Variants in DLG2 observed in about 807,000 individuals in gnomAD.
The protein encoded by DLG2 is discs large MAGUK scaffold protein 2, also known as disks large homolog 2.
DLG2 carries 45 observed loss-of-function variants against 132.5 expected under a neutral mutation model. The ratio of observed to expected loss-of-function variants is 0.34; its 90% CI spans 0.27 to 0.44. The LOEUF (loss-of-function observed/expected upper bound fraction) is 0.44. Ranked by LOEUF, DLG2 falls within the 20% of genes least tolerant of loss-of-function variation. The pLI is 1.00. For synonymous variants in DLG2, 424 were observed against 419.6 expected, an observed-to-expected ratio of 1.01 and a Z score of -0.13; for missense variants, 1,045 against 1,196.9, an observed-to-expected ratio of 0.87 and a Z score of 1.87.
chr11:85,287,078 G>A (rs2078604036), intron 3 of DLG2, among the ~76,000 whole-genome samples: 1 of 152,034 alleles, frequency 6.6e-6, no homozygotes, highest in African/African-American at 2.4e-5. Context: ...AAGGGTAAGA[G>A]GAAACTTCTA....
chr11:83,633,590 G>A (rs984119958), intron 18 of DLG2, among the ~76,000 whole-genome samples: 9 of 152,070 alleles, frequency 5.9e-5, no homozygotes, highest in African/African-American at 2.2e-4. Context: ...TGGGGGCTGG[G>A]AGAGGGAGGA....
chr11:83,664,110 A>T (rs2074997958), intron 18 of DLG2, among the ~76,000 whole-genome samples: 1 of 152,188 alleles, frequency 6.6e-6, no homozygotes, highest in South Asian at 2.1e-4. Context: ...GACAGAAAGC[A>T]TCTAGTTCTC....
intron 11 of DLG2, among the ~76,000 whole-genome samples, chr11:84,012,001 T>C (rs2094916190): frequency 6.6e-6 from 1 of 152,164 alleles, no homozygotes; most frequent in African/African-American, 2.4e-5. Flanking sequence ...AATAGTTTGC[T>C]AGATGAAGAT....
intron 18 of DLG2, among the ~76,000 whole-genome samples, chr11:83,781,053 AG>A (rs2094799989): frequency 6.6e-6 from 1 of 152,214 alleles, no homozygotes; most frequent in South Asian, 2.1e-4. Context: ...AATTCTAAGA[AG>A]GCTCTCATTT....
chr11:85,405,191 T>C (rs538700655), intron 3 of DLG2, among the ~76,000 whole-genome samples: 1 of 152,078 alleles, frequency 6.6e-6, no homozygotes, highest in East Asian at 1.9e-4. Flanking sequence ...CCTTGCATGC[T>C]AGATTTTAAT....
intron 6 of DLG2, among the ~76,000 whole-genome samples, chr11:84,611,747 C>T (rs2099595945): frequency 6.6e-6 from 1 of 152,116 alleles, no homozygotes; most frequent in South Asian, 2.1e-4. Context: ...GATACTTTCA[C>T]CATTAGTAGA....
intron 15 of DLG2, among the ~76,000 whole-genome samples, chr11:83,894,885 C>T (rs1210938993): frequency 6.6e-6 from 1 of 152,142 alleles, no homozygotes; most frequent in Non-Finnish European, 1.5e-5. Flanking sequence ...TGAGTGAAAA[C>T]ATACAATACT....
chr11:84,627,168 C>T (rs1440840841), intron 6 of DLG2, among the ~76,000 whole-genome samples: 1 of 152,126 alleles, frequency 6.6e-6, no homozygotes, highest in Non-Finnish European at 1.5e-5. Context: ...CCACTCCCGG[C>T]CCAATTACAC....
intron 19 of DLG2, among the ~76,000 whole-genome samples, chr11:83,568,090 G>A (rs1201466709): frequency 6.6e-6 from 1 of 152,118 alleles, no homozygotes; most frequent in Non-Finnish European, 1.5e-5. Context: ...GATTGGCTTG[G>A]CAGGTGGCAG....
chr11:84,577,513 G>A (rs1047639193), intron 6 of DLG2, among the ~76,000 whole-genome samples: 3 of 152,184 alleles, frequency 2.0e-5, no homozygotes, highest in Non-Finnish European at 4.4e-5. Context: ...GGTAACTGTT[G>A]CTATGTTTTA....
intron 9 of DLG2, among the ~76,000 whole-genome samples, chr11:84,125,938 A>C (rs535249427): frequency 6.6e-6 from 1 of 152,382 alleles, no homozygotes; most frequent in African/African-American, 2.4e-5. Context: ...GGAAGAAATC[A>C]AGATACCTTT....
chr11:84,854,125 C>T (rs1453232262), intron 6 of DLG2, among the ~76,000 whole-genome samples: 4 of 151,798 alleles, frequency 2.6e-5, no homozygotes, highest in African/African-American at 9.7e-5. Context: ...CAGCCTAGTT[C>T]CCACAAGGCA....
At chr11:84,123,409 GGA>G in intron 9 of DLG2, among the ~76,000 whole-genome samples, 1 of 152,152 alleles carries the variant, frequency 6.6e-6, no homozygotes, top group Admixed American at 6.6e-5. Context: ...TGCTGTGCTT[GGA>G]GTCATAAGAC....
intron 6 of DLG2, among the ~76,000 whole-genome samples, chr11:84,901,896 G>C (rs967222833): frequency 1.3e-5 from 2 of 151,888 alleles, no homozygotes; most frequent in Non-Finnish European, 2.9e-5. Flanking sequence ...TTGAATTAAG[G>C]GGGGAAAAAA....
At chr11:85,091,639 C>T (rs990221667) in intron 6 of DLG2, among the ~76,000 whole-genome samples, 2 of 152,164 alleles carry the variant, frequency 1.3e-5, no homozygotes, top group African/African-American at 4.8e-5. Flanking sequence ...ACTTTGTTGT[C>T]GTGTCTACAA....
chr11:84,802,509 T>C (rs764101524), intron 6 of DLG2, among the ~76,000 whole-genome samples: 8 of 152,070 alleles, frequency 5.3e-5, no homozygotes, highest in Non-Finnish European at 1.2e-4. Context: ...GCTACGGTTA[T>C]GGAGTGACCA....
chr11:83,472,693 G>A, intron 23 of DLG2, 34 bp downstream of exon 23: 1 of 1,601,544 alleles, frequency 6.2e-7, no homozygotes, highest in South Asian at 1.1e-5. Context: ...TTATGGCCCA[G>A]AAATTAGGAA....
intron 3 of DLG2, among the ~76,000 whole-genome samples, chr11:85,363,122 T>C (rs1370725508): frequency 6.6e-6 from 1 of 152,204 alleles, no homozygotes; most frequent in Non-Finnish European, 1.5e-5. Context: ...CTTCGGCAAG[T>C]ACCAAATTAT....
At chr11:84,624,165 T>C (rs1323587526) in intron 6 of DLG2, among the ~76,000 whole-genome samples, 1 of 152,198 alleles carries the variant, frequency 6.6e-6, no homozygotes, top group Non-Finnish European at 1.5e-5. Context: ...CTAAAAACTT[T>C]CCTGTTTTGT....
Sources: allele counts gnomAD v4.1 joint callset (sites outside exome capture counted in the v4.1 genomes callset), GRCh38; gene constraint gnomAD v4.1.1; transcripts MANE v1.5; gene names NCBI Gene and HGNC (gene_info 2026-07-23, HGNC 2026-07-21).